The following ESYT2 variants were observed in gnomAD, a reference collection of about 807,000 sequenced individuals.
ESYT2 encodes the protein extended synaptotagmin 2, also known as extended synaptotagmin-2.
ESYT2 carries 54 observed loss-of-function variants against 107.2 expected under a neutral mutation model. That is an observed-to-expected ratio of 0.50 (90% CI 0.40 to 0.63). The LOEUF (loss-of-function observed/expected upper bound fraction) is 0.63, where lower values mean the gene tolerates loss of function less well. ESYT2 is among the 30% of genes least tolerant of loss of function. ESYT2 has a pLI of 0.00. For synonymous variants in ESYT2, 491 were observed against 434.1 expected, an observed-to-expected ratio of 1.13 and a Z score of -1.63; for missense variants, 1,020 against 1,094.5, an observed-to-expected ratio of 0.93 and a Z score of 0.96.
At chr7:158,753,933 T>C (rs919547634) in intron 13 of ESYT2, among the ~76,000 whole-genome samples, 4 of 152,152 alleles carry the variant, frequency 2.6e-5, no homozygotes, top group African/African-American at 7.2e-5. Context: ...TTTGGATAGA[T>C]ATGGGCTGTA....
intron 7 of ESYT2, among the ~76,000 whole-genome samples, chr7:158,768,990 C>T (rs924717447): frequency 1.3e-5 from 2 of 152,192 alleles, no homozygotes; most frequent in Non-Finnish European, 2.9e-5. Flanking sequence ...CTGTATAACA[C>T]CTTTACCTGA....
intron 1 of ESYT2, among the ~76,000 whole-genome samples, chr7:158,826,139 G>A (rs772636522): frequency 6.6e-6 from 1 of 152,012 alleles, no homozygotes; most frequent in Non-Finnish European, 1.5e-5. Flanking sequence ...CCCCTGCCGC[G>A]CAGCAGAATT....
chr7:158,741,414 C>T (rs1052464002), intron 18 of ESYT2, 109 bp downstream of exon 18: 12 of 1,459,496 alleles, frequency 8.2e-6, no homozygotes, highest in African/African-American at 1.4e-5. Context: ...GGCCTCCCTC[C>T]CCAAAGCATG....
At chr7:158,740,780 C>T (rs1837165465) in intron 18 of ESYT2, among the ~76,000 whole-genome samples, 1 of 152,164 alleles carries the variant, frequency 6.6e-6, no homozygotes, top group Non-Finnish European at 1.5e-5. Context: ...GAGTGTGGCT[C>T]AGAGGAGGGC....
chr7:158,771,518 C>T (rs180841214), intron 7 of ESYT2, among the ~76,000 whole-genome samples: 9 of 152,284 alleles, frequency 5.9e-5, no homozygotes, highest in African/African-American at 1.7e-4. Context: ...ACAAGTTGGG[C>T]GGGGACCTAG....
chr7:158,745,501 G>A (rs898665215), intron 16 of ESYT2, among the ~76,000 whole-genome samples: 2 of 152,328 alleles, frequency 1.3e-5, no homozygotes, highest in African/African-American at 4.8e-5. Flanking sequence ...CAACCACCCT[G>A]ACCTACTGAC....
chr7:158,732,284 A>C lies in ESYT2; in HGVS notation c.*1923T>G, dbSNP rs1836778163. The C allele has an allele frequency of 6.6e-6, 1 of 152,192 alleles. No homozygotes were observed. The highest frequency in any genetic ancestry group is 2.1e-4 in the South Asian group (1 of 4,828). The allele number at this position is 152,192 out of a possible 1,614,324, so 9.4% of individuals were successfully genotyped here. A position where few individuals can be genotyped will look rare whatever the true frequency, so the allele number is the denominator to read the frequency against. ...TTTTTAAAAAACCCTCAACAAATCTAATACTAAGGGAAAGCAACTAGATTT... is the reference window on the plus strand; with the variant it reads ...TTTTTAAAAAACCCTCAACAAATCTCATACTAAGGGAAAGCAACTAGATTT... On this transcript the variant is annotated 3_prime_UTR_variant, in exon 23 of 23. Transcript: ENST00000275418.
intron 16 of ESYT2, 29 bp downstream of exon 16, chr7:158,748,165 A>G (rs762252640): frequency 2.5e-6 from 4 of 1,597,918 alleles, no homozygotes; most frequent in South Asian, 2.2e-5. Flanking sequence ...ATTTGTCAAT[A>G]AATTGGTTAA....
chr7:158,741,609 G>A lies in ESYT2; in HGVS notation c.2082C>T (p.Val694=). ...SLLASPGHIS[V]KEPTPSIASD... ...AGGCGATGCTGGGGGTCGGCTCCTT[G>A]ACTGAGATGTGGCCTGGGGAGGCCA... Residue 694 remains valine, a synonymous_variant, in exon 18 of 23, where the codon GTC becomes GTT. Coordinates refer to ENST00000275418, the MANE Select transcript of ESYT2 (RefSeq NM_001367773.1). The A allele has an allele frequency of 6.2e-7, 1 of 1,612,860 alleles. No individual in the cohort carries two copies. The highest frequency in any genetic ancestry group is 8.5e-7 in the Non-Finnish European group (1 of 1,179,996).
intron 19 of ESYT2, 52 bp from the exon 20 acceptor site, chr7:158,737,231 T>C (rs1836993814): frequency 1.3e-6 from 2 of 1,582,762 alleles, no homozygotes; most frequent in Non-Finnish European, 1.7e-6. Context: ...AAAAAGAGAA[T>C]GAGCAGCACA....
At chr7:158,787,524 C>T (rs1044616402) in intron 6 of ESYT2, among the ~76,000 whole-genome samples, 1 of 152,216 alleles carries the variant, frequency 6.6e-6, no homozygotes, top group Non-Finnish European at 1.5e-5. Context: ...ACAGATGAGT[C>T]TTCTCAACAA....
chr7:158,768,846 C>G (rs1838257122), intron 7 of ESYT2, among the ~76,000 whole-genome samples: 1 of 152,244 alleles, frequency 6.6e-6, no homozygotes, highest in Non-Finnish European at 1.5e-5. Context: ...CTGGGCAACA[C>G]AGAGCGAGAC....
At chr7:158,767,331 C>A (rs1838196687) in intron 8 of ESYT2, among the ~76,000 whole-genome samples, 1 of 152,148 alleles carries the variant, frequency 6.6e-6, no homozygotes, top group Admixed American at 6.5e-5. Context: ...TTAATAAAAA[C>A]AAATGCAGTA....
chr7:158,763,191 A>C (rs762417676), intron 9 of ESYT2, 26 bp from the exon 10 acceptor site: 1 of 1,582,898 alleles, frequency 6.3e-7, no homozygotes, highest in East Asian at 2.2e-5. Context: ...TTAGTAGTTA[A>C]GTGCATTTTT....
intron 3 of ESYT2, 37 bp downstream of exon 3, chr7:158,797,901 TCTGA>T: frequency 1.9e-6 from 3 of 1,577,740 alleles, no homozygotes; most frequent in Non-Finnish European, 2.6e-6. Flanking sequence ...TTCACAGCAA[TCTGA>T]CTGTGTGCAC....
At chr7:158,748,903 AGGAAAG>A (rs1837494755) in intron 15 of ESYT2, among the ~76,000 whole-genome samples, 1 of 150,860 alleles carries the variant, frequency 6.6e-6, no homozygotes, top group South Asian at 2.1e-4. Context: ...TTCTCCTGTA[AGGAAAG>A]TAGAACATAT....
intron 5 of ESYT2, 96 bp from the exon 6 acceptor site, chr7:158,788,189 G>T: frequency 8.3e-7 from 1 of 1,198,446 alleles, no homozygotes. Flanking sequence ...TAACTTTTGA[G>T]CATGTGACTT....
intron 6 of ESYT2, among the ~76,000 whole-genome samples, chr7:158,773,916 A>G (rs944429706): frequency 6.6e-6 from 1 of 152,240 alleles, no homozygotes; most frequent in African/African-American, 2.4e-5. Context: ...ACTAAAAGCC[A>G]GCCTATCTGG....
chr7:158,800,337 G>A (rs942564650), intron 1 of ESYT2, among the ~76,000 whole-genome samples: 3 of 152,068 alleles, frequency 2.0e-5, no homozygotes, highest in Admixed American at 6.6e-5. Flanking sequence ...GTGAGCCACC[G>A]ATCCCGGCCA....
Sources: gnomAD v4.1 joint callset for allele counts (sites outside exome capture counted in the v4.1 genomes callset) on GRCh38, gnomAD v4.1.1 for gene constraint, MANE v1.5 for transcripts, NCBI Gene and HGNC (gene_info 2026-07-23, HGNC 2026-07-21) for gene names.